Variants in SYT14 observed in about 807,000 individuals in gnomAD.
SYT14 encodes synaptotagmin-14.
SYT14 carries 32 observed loss-of-function variants against 74.2 expected under a neutral mutation model. The ratio of observed to expected loss-of-function variants is 0.43; its 90% CI spans 0.33 to 0.58. The LOEUF (loss-of-function observed/expected upper bound fraction) is 0.58, where lower values mean the gene tolerates loss of function less well. SYT14 is among the 20% of genes least tolerant of loss of function. The probability of loss-of-function intolerance (pLI) is 0.05; values close to 1 mark genes in which losing one functional copy is unlikely to be tolerated. For synonymous variants in SYT14, 298 were observed against 337.7 expected (o/e 0.88, Z 1.29); for missense variants, 791 against 981.8 (o/e 0.81, Z 2.60).
intron 5 of SYT14, among the ~76,000 whole-genome samples, chr1:210,063,667 C>T (rs1259312847): frequency 6.6e-6 from 1 of 151,724 alleles, no homozygotes; most frequent in Non-Finnish European, 1.5e-5. Flanking sequence ...TCCATCATTT[C>T]TACGTTGTAT....
intron 5 of SYT14, among the ~76,000 whole-genome samples, chr1:210,027,036 A>G (rs1164287304): frequency 1.3e-5 from 2 of 152,102 alleles, no homozygotes; most frequent in Non-Finnish European, 2.9e-5. Flanking sequence ...AGAAATTCAC[A>G]TATAATTTTT....
At chr1:210,046,525 A>G (rs1558151447) in intron 5 of SYT14, among the ~76,000 whole-genome samples, 1 of 152,116 alleles carries the variant, frequency 6.6e-6, no homozygotes, top group African/African-American at 2.4e-5. Flanking sequence ...TTTACAGTTA[A>G]TCCCTACTCT....
intron 5 of SYT14, among the ~76,000 whole-genome samples, chr1:210,068,466 A>G (rs985014681): frequency 1.3e-5 from 2 of 151,730 alleles, no homozygotes; most frequent in Non-Finnish European, 1.5e-5. Context: ...CTAGACCATT[A>G]TACGAGATTA....
At chr1:209,938,410 G>A in intron 1 of SYT14, 133 bp downstream of exon 1, 1 of 811,970 alleles carries the variant, frequency 1.2e-6, no homozygotes, top group Non-Finnish European at 1.8e-6. Flanking sequence ...GACGCGCGGG[G>A]GTCCTGGCCG....
chr1:210,051,727 C>T (rs2081000447), intron 5 of SYT14, among the ~76,000 whole-genome samples: 1 of 152,118 alleles, frequency 6.6e-6, no homozygotes, highest in Non-Finnish European at 1.5e-5. Context: ...ACAGAAATCT[C>T]CTTCCTTCTT....
At chr1:210,141,046 C>CAA (rs36006017) in intron 7 of SYT14, among the ~76,000 whole-genome samples, 10 of 97,090 alleles carry the variant, frequency 1.0e-4, no homozygotes, top group South Asian at 3.4e-4. Flanking sequence ...TTTGTTTCTG[C>CAA]AAAAAAAAAA....
intron 7 of SYT14, among the ~76,000 whole-genome samples, chr1:210,139,138 G>A (rs1192448919): frequency 6.7e-6 from 1 of 149,800 alleles, no homozygotes; most frequent in African/African-American, 2.5e-5. Flanking sequence ...CTAGGCTGGA[G>A]TGCGGTGGTG....
intron 7 of SYT14, among the ~76,000 whole-genome samples, chr1:210,140,154 A>C (rs905368573): frequency 6.6e-6 from 1 of 152,124 alleles, no homozygotes. Context: ...AAGCTATCCT[A>C]CTGGGTATAA....
intron 5 of SYT14, among the ~76,000 whole-genome samples, chr1:210,036,585 A>G (rs572547961): frequency 4.6e-5 from 7 of 151,876 alleles, no homozygotes; most frequent in Non-Finnish European, 8.8e-5. Context: ...TATGGCTTTT[A>G]TTATTTTGAG....
At chr1:210,139,566 A>G (rs917581274) in intron 7 of SYT14, among the ~76,000 whole-genome samples, 14 of 152,142 alleles carry the variant, frequency 9.2e-5, no homozygotes, top group African/African-American at 3.1e-4. Context: ...GAATATTCAC[A>G]TAGTTGTGCA....
At chr1:210,156,441 C>T (rs184042450) in intron 8 of SYT14, among the ~76,000 whole-genome samples, 6 of 151,966 alleles carry the variant, frequency 3.9e-5, no homozygotes, top group Admixed American at 3.9e-4. Context: ...GGGCTTTGCT[C>T]TTACCAGGAC....
intron 2 of SYT14, among the ~76,000 whole-genome samples, chr1:209,977,022 T>C (rs527748792): frequency 6.6e-6 from 1 of 152,350 alleles, no homozygotes; most frequent in Non-Finnish European, 1.5e-5. Context: ...AGACTAGGTT[T>C]GCAACCCCTG....
chr1:210,107,032 A>G (rs920094480), intron 7 of SYT14, among the ~76,000 whole-genome samples: 13 of 152,214 alleles, frequency 8.5e-5, no homozygotes, highest in South Asian at 2.1e-4. Flanking sequence ...TGGCCAAAAC[A>G]AAGGGGCTAC....
chr1:209,972,281 G>A (rs1185629862), intron 2 of SYT14, among the ~76,000 whole-genome samples: 2 of 151,680 alleles, frequency 1.3e-5, no homozygotes, highest in Admixed American at 6.6e-5. Flanking sequence ...GCCTATCAAT[G>A]TTGTTTATCG....
chr1:210,102,898 G>C (rs1157884988), intron 7 of SYT14, among the ~76,000 whole-genome samples: 1 of 151,656 alleles, frequency 6.6e-6, no homozygotes, highest in Non-Finnish European at 1.5e-5. Flanking sequence ...GGCTAGTCTT[G>C]AACTCCTGGC....
At chr1:209,955,630 AAATCAGGCC>A (rs2078981121) in intron 2 of SYT14, among the ~76,000 whole-genome samples, 1 of 152,184 alleles carries the variant, frequency 6.6e-6, no homozygotes. Flanking sequence ...TCAAAAATGT[AAATCAGGCC>A]AACCACTTTG....
intron 2 of SYT14, among the ~76,000 whole-genome samples, chr1:210,006,711 T>C (rs1264117692): frequency 6.6e-6 from 1 of 151,932 alleles, no homozygotes; most frequent in Non-Finnish European, 1.5e-5. Context: ...ATAGGTACTT[T>C]TTGTTTAATT....
chr1:210,025,026 T>G (rs560035062), intron 5 of SYT14, among the ~76,000 whole-genome samples: 5 of 152,272 alleles, frequency 3.3e-5, no homozygotes, highest in South Asian at 2.1e-4. Flanking sequence ...AAGTATACAT[T>G]TGCCGCCTTC....
intron 2 of SYT14, among the ~76,000 whole-genome samples, chr1:210,002,107 A>G (rs938874077): frequency 6.6e-6 from 1 of 152,220 alleles, no homozygotes; most frequent in African/African-American, 2.4e-5. Context: ...AGGTATCACC[A>G]TAACCAAGAT....
Sources: gnomAD v4.1 joint callset for allele counts (sites outside exome capture counted in the v4.1 genomes callset) on GRCh38, gnomAD v4.1.1 for gene constraint, MANE v1.5 for transcripts, NCBI Gene and HGNC (gene_info 2026-07-23, HGNC 2026-07-21) for gene names.